Variants in ERAP2 observed in about 807,000 individuals in gnomAD.
ERAP2 encodes the protein leukocyte-derived arginine aminopeptidase.
ERAP2 carries 118 observed loss-of-function variants against 111.1 expected under a neutral mutation model. That is an observed-to-expected ratio of 1.06 (90% CI 0.92 to 1.24). The LOEUF (loss-of-function observed/expected upper bound fraction) is 1.24. ERAP2 is among the 50% of genes most tolerant of loss of function. ERAP2 has a pLI of 0.00. For synonymous variants in ERAP2, 410 were observed against 401.2 expected, an observed-to-expected ratio of 1.02 and a Z score of -0.26; for missense variants, 1,131 against 1,125.8, an observed-to-expected ratio of 1.00 and a Z score of -0.07.
At chr5:96,882,928 A>G (rs1453038690) in intron 2 of ERAP2, among the ~76,000 whole-genome samples, 1 of 152,064 alleles carries the variant, frequency 6.6e-6, no homozygotes, top group Admixed American at 6.6e-5. Flanking sequence ...TGCTCTCCAA[A>G]TTCACTTCTT....
At chr5:96,884,034 TTATCTATCTATCTATCTATC>T (rs59325486) in intron 3 of ERAP2, 104 bp downstream of exon 3, 16,814 of 603,528 alleles carry the variant, frequency 0.028, 349 homozygotes, top group South Asian at 0.035. Context: ...TAATTTGTTT[TTATCTATCTATCTATCTATC>T]TATCTATCTA....
intron 5 of ERAP2, 50 bp downstream of exon 5, chr5:96,889,355 C>A: frequency 6.3e-7 from 1 of 1,597,328 alleles, no homozygotes; most frequent in Non-Finnish European, 8.6e-7. Flanking sequence ...ATAAAACTTG[C>A]TTTGATCTCT....
Position 96,886,786 on chromosome 5 carries a change from C to A in ERAP2, c.846C>A (p.Val282=). The A allele has an allele frequency of 6.7e-7, 1 of 1,488,754 alleles. No homozygotes were observed. Among genetic ancestry groups the A allele is most frequent in the Non-Finnish European group, 9.1e-7 (1 of 1,098,328 alleles). 92.2% of individuals were successfully genotyped at this position (1,488,754 alleles called of 1,614,324 possible). A position where few individuals can be genotyped will look rare whatever the true frequency, so the allele number is the denominator to read the frequency against. Residue 282 remains valine (V), a synonymous_variant, in exon 4 of 19, where the codon GTC becomes GTA. Coordinates refer to ENST00000437043, the MANE Select transcript of ERAP2 (RefSeq NM_022350.5). ...HSLSGFTSSG[V]KVSIYASPDK... The stretch of plus-strand genomic sequence containing the variant: ...TGAGTGGCTTCACTTCATCAGGGGT[C>A]AAGGTGAGACTGAGTTCTAACGTTC...
chr5:96,897,263 G>A (rs934734989), intron 9 of ERAP2, among the ~76,000 whole-genome samples: 13 of 152,150 alleles, frequency 8.5e-5, no homozygotes, highest in Non-Finnish European at 1.8e-4. Flanking sequence ...CTTATAAGAA[G>A]AAATCTTGCT....
At chr5:96,891,518 CCCA>C (rs1784379524) in intron 5 of ERAP2, among the ~76,000 whole-genome samples, 1 of 28,762 alleles carries the variant, frequency 3.5e-5, no homozygotes, top group African/African-American at 1.4e-4. Context: ...TATATATATG[CCCA>C]TATACGGTAT....
chr5:96,894,716 G>A (rs931055764), intron 6 of ERAP2, among the ~76,000 whole-genome samples: 8 of 152,064 alleles, frequency 5.3e-5, no homozygotes, highest in Non-Finnish European at 8.8e-5. Context: ...GTCAGGGGCA[G>A]AGGTTAACAA....
intron 13 of ERAP2, among the ~76,000 whole-genome samples, chr5:96,908,751 T>C (rs1486748197): frequency 2.0e-5 from 3 of 152,206 alleles, no homozygotes; most frequent in Non-Finnish European, 4.4e-5. Context: ...ATTATCCCCA[T>C]TGTATAAAGA....
At chr5:96,881,987 G>C (rs1204585324) in intron 2 of ERAP2, among the ~76,000 whole-genome samples, 2 of 90,838 alleles carry the variant, frequency 2.2e-5, no homozygotes, top group African/African-American at 8.9e-5. Flanking sequence ...ATGGGTATCA[G>C]GAAGTGACTA....
intron 7 of ERAP2, among the ~76,000 whole-genome samples, chr5:96,895,865 T>C (rs765831305): frequency 1.3e-5 from 2 of 152,222 alleles, no homozygotes. Flanking sequence ...AGGTGGTTAG[T>C]AATGGTTAAT....
chr5:96,889,831 T>TACAC (rs58154009), intron 5 of ERAP2, among the ~76,000 whole-genome samples: 2,558 of 148,712 alleles, frequency 0.017, 27 homozygotes, highest in African/African-American at 0.022. Flanking sequence ...AAAAAATACA[T>TACAC]ACACACACAC....
rs1433733552 is a variant in ERAP2, at chr5:96,913,473, C to T, written c.2657+16C>T. 6.2e-7 allele frequency: 1 copy of T among 1,613,354 alleles called. No homozygotes were observed. The highest frequency in any genetic ancestry group is 1.7e-5 in the Admixed American group (1 of 59,988). ...TTCTGAAAAAGTTGGTATTCATTTT[C>T]ATCCAATGTTTGTTCTTCCATGCAG... On this transcript the variant is annotated intron_variant, in intron 17 of 18. Coordinates refer to ENST00000437043, the MANE Select transcript of ERAP2 (RefSeq NM_022350.5).
Position 96,886,771 on chromosome 5 carries a change from C to CACTT in ERAP2, c.832_835dup (p.Ser279TyrfsTer31). 1 of 1,514,024 alleles carries CACTT rather than the reference C, an allele frequency of 6.6e-7. No individual in the cohort carries two copies. The highest frequency in any genetic ancestry group is 9.0e-7 in the Non-Finnish European group (1 of 1,112,486). 93.8% of individuals were successfully genotyped at this position (1,514,024 alleles called of 1,614,324 possible). ...GTGATTTCCACTCTCTGAGTGGCTT[C>CACTT]ACTTCATCAGGGGTCAAGGTGAGAC... is the stretch of plus-strand genomic sequence containing the variant. On this transcript the variant is annotated frameshift_variant, in exon 4 of 19. Coordinates refer to ENST00000437043, the MANE Select transcript of ERAP2 (RefSeq NM_022350.5). LOFTEE classifies it high-confidence loss of function.
intron 3 of ERAP2, 145 bp downstream of exon 3, chr5:96,884,075 TATC>T: frequency 1.7e-6 from 1 of 601,470 alleles, no homozygotes; most frequent in African/African-American, 2.0e-5. Context: ...TCTATCTATC[TATC>T]TATCATCATA....
chr5:96,915,601 A>T, intron 17 of ERAP2, 87 bp from the exon 18 acceptor site: 1 of 646,194 alleles, frequency 1.5e-6, no homozygotes, highest in Non-Finnish European at 2.4e-6. Flanking sequence ...CATAGTTATT[A>T]ATATACATTA....
At position 96,914,076 on chromosome 5, in the gene ERAP2, C is replaced by G. The variant is rs566464808; in HGVS notation, c.2657+619C>G. 6.6e-5 allele frequency among the ~76,000 whole-genome samples: 10 copies of G among 151,678 alleles called. No individual in the cohort carries two copies. In the East Asian group the frequency reaches 1.9e-3, roughly 29 times the overall value. ...ATCTAAAATATCCCTCAGAAATAACCAATAATGATTAGATTTTGTTGGAAT... is the reference window on the plus strand; with the variant it reads ...ATCTAAAATATCCCTCAGAAATAACGAATAATGATTAGATTTTGTTGGAAT... On this transcript the variant is annotated intron_variant, in intron 17 of 18. Coordinates refer to ENST00000437043, the MANE Select transcript of ERAP2 (RefSeq NM_022350.5).
chr5:96,913,606 C>A, intron 17 of ERAP2, 149 bp downstream of exon 17: 1 of 869,802 alleles, frequency 1.1e-6, no homozygotes, highest in Non-Finnish European at 1.8e-6. Flanking sequence ...AACTCCCTAG[C>A]CCAAATTATC....
chr5:96,895,324 A>T lies in ERAP2; in HGVS notation c.1204A>T (p.Ile402Phe). The T allele has an allele frequency of 6.2e-7, 1 of 1,612,258 alleles. No homozygotes were observed. The highest frequency in any genetic ancestry group is 8.5e-7 in the Non-Finnish European group (1 of 1,178,714). Residue 402 changes from isoleucine (I) to phenylalanine (F), a missense_variant, in exon 7 of 19, where the codon ATC becomes TTC. Around this residue, in one of 3 missense-constraint regions of ERAP2, gnomAD observed 847 missense variants for 856.5 expected, o/e 0.99. Transcript: ENST00000437043. ...GGGTTTTGCAAAATACATGGAACTT[A>T]TCGCTGTTAATGCTACATATCCAGA... ...KEGFAKYMEL[I>F]AVNATYPELQ...
chr5:96,896,879 G>T lies in ERAP2; in HGVS notation c.1503+16G>T. The stretch of plus-strand genomic sequence containing the variant: ...TCTGTCAAATGTAAGTCATATGTTG[G>T]GTAACGATAGACTGTTATTTAATCT... On this transcript the variant is annotated intron_variant, in intron 9 of 18. Coordinates refer to ENST00000437043, the MANE Select transcript of ERAP2 (RefSeq NM_022350.5). 1.3e-6 allele frequency: 2 copies of T among 1,556,686 alleles called. No homozygotes were observed. Among genetic ancestry groups the T allele is most frequent in the Non-Finnish European group, 8.6e-7 (1 of 1,158,716 alleles).
intron 13 of ERAP2, among the ~76,000 whole-genome samples, chr5:96,906,092 G>C (rs1786046233): frequency 6.6e-6 from 1 of 151,974 alleles, no homozygotes; most frequent in Non-Finnish European, 1.5e-5. Flanking sequence ...ATCTTTACAA[G>C]AGGTGATACT....
Sources: gnomAD v4.1 joint callset for allele counts (sites outside exome capture counted in the v4.1 genomes callset) on GRCh38, gnomAD v4.1.1 for gene constraint, gnomAD v4.1.1 regional missense constraint, MANE v1.5 for transcripts, NCBI Gene and HGNC (gene_info 2026-07-23, HGNC 2026-07-21) for gene names.